CNTN4: variants seen among roughly 807,000 people sequenced by gnomAD.
CNTN4 encodes the protein contactin 4.
CNTN4 carries 77 observed loss-of-function variants against 122.5 expected under a neutral mutation model. The observed-to-expected ratio is 0.63, with a 90% CI of 0.52 to 0.76. CNTN4 has a LOEUF of 0.76. Among genes scored for constraint, CNTN4 ranks in the 30% least tolerant of loss-of-function variants. The probability of loss-of-function intolerance (pLI) is 0.00; values close to 1 mark genes in which losing one functional copy is unlikely to be tolerated. For synonymous variants in CNTN4, 512 were observed against 447.0 expected, an observed-to-expected ratio of 1.15 and a Z score of -1.83; for missense variants, 1,256 against 1,259.1, an observed-to-expected ratio of 1.00 and a Z score of 0.04.
chr3:2,386,057 G>A (rs1383301662), intron 3 of CNTN4, among the ~76,000 whole-genome samples: 2 of 151,968 alleles, frequency 1.3e-5, no homozygotes, highest in Non-Finnish European at 2.9e-5. Context: ...TAATTTTCAT[G>A]TCACAGTATA....
intron 3 of CNTN4, among the ~76,000 whole-genome samples, chr3:2,516,295 A>G (rs532309864): frequency 5.9e-5 from 9 of 152,144 alleles, no homozygotes; most frequent in South Asian, 2.1e-4. Context: ...CGTAATGTGA[A>G]ATAATTTGTT....
At position 2,740,299 on chromosome 3, in the gene CNTN4, G is replaced by A. The variant is rs1379200717; in HGVS notation, c.182+3958G>A. Among the ~76,000 whole-genome samples, 6 of 152,214 alleles carry A rather than the reference G, an allele frequency of 3.9e-5. No homozygotes were observed. In the East Asian group the frequency reaches 1.2e-3, roughly 29 times the overall value. The stretch of plus-strand genomic sequence containing the variant: ...CGCTTGAGTCTAGGAGTTCCAGGCT[G>A]CAGTGAGCTATGATTGCACCACTAC... On this transcript the variant is annotated intron_variant, in intron 5 of 24. Transcript: ENST00000418658.
At chr3:2,402,750 A>G (rs1016613860) in intron 3 of CNTN4, among the ~76,000 whole-genome samples, 19 of 152,050 alleles carry the variant, frequency 1.2e-4, no homozygotes, top group African/African-American at 4.6e-4. Flanking sequence ...CTAGTTTCTT[A>G]TAAAATATAG....
chr3:3,045,769 C>A (rs1423391375), intron 23 of CNTN4, among the ~76,000 whole-genome samples: 1 of 152,212 alleles, frequency 6.6e-6, no homozygotes, highest in Non-Finnish European at 1.5e-5. Flanking sequence ...ATGGAAAAAG[C>A]TGGATGGAGA....
chr3:2,983,193 G>A (rs1182465851), intron 13 of CNTN4, among the ~76,000 whole-genome samples: 28 of 106,882 alleles, frequency 2.6e-4, no homozygotes, highest in African/African-American at 9.7e-4. Flanking sequence ...CAGCCTGGGT[G>A]ACAGAGCGAG....
At chr3:2,776,601 T>G (rs2091329016) in intron 6 of CNTN4, among the ~76,000 whole-genome samples, 1 of 152,172 alleles carries the variant, frequency 6.6e-6, no homozygotes, top group Non-Finnish European at 1.5e-5. Context: ...CCCTCTACTC[T>G]TGGTAGAATT....
chr3:2,497,333 A>G (rs990747927), intron 3 of CNTN4, among the ~76,000 whole-genome samples: 14 of 152,176 alleles, frequency 9.2e-5, no homozygotes, highest in Non-Finnish European at 5.9e-5. Flanking sequence ...ACTGGCCCCC[A>G]GTATCTAAAA....
chr3:2,835,158 G>C (rs58149795), intron 7 of CNTN4, among the ~76,000 whole-genome samples: 1 of 151,606 alleles, frequency 6.6e-6, no homozygotes, highest in South Asian at 2.1e-4. Flanking sequence ...GCCCGCCTCA[G>C]CCTCCCAAAG....
intron 4 of CNTN4, among the ~76,000 whole-genome samples, chr3:2,610,184 A>G (rs528707409): frequency 1.3e-5 from 2 of 152,334 alleles, no homozygotes; most frequent in South Asian, 4.1e-4. Flanking sequence ...AAGTTAAGAT[A>G]TTATTAAAAT....
At chr3:2,889,549 G>T (rs1228236517) in intron 10 of CNTN4, among the ~76,000 whole-genome samples, 1 of 152,104 alleles carries the variant, frequency 6.6e-6, no homozygotes, top group Non-Finnish European at 1.5e-5. Flanking sequence ...TTTTAACTGT[G>T]TAGGGCTCGT....
intron 3 of CNTN4, among the ~76,000 whole-genome samples, chr3:2,535,730 G>T (rs912318513): frequency 6.6e-6 from 1 of 152,080 alleles, no homozygotes; most frequent in Admixed American, 6.6e-5. Context: ...ATATTTTGAT[G>T]TTATTTCTAC....
intron 12 of CNTN4, among the ~76,000 whole-genome samples, chr3:2,907,577 A>G (rs895868970): frequency 2.0e-5 from 3 of 151,976 alleles, no homozygotes; most frequent in African/African-American, 7.3e-5. Flanking sequence ...TCTCAAAAAA[A>G]AAAAAAAATT....
intron 14 of CNTN4, among the ~76,000 whole-genome samples, chr3:2,995,690 G>C (rs1484078106): frequency 6.6e-6 from 1 of 152,144 alleles, no homozygotes; most frequent in Non-Finnish European, 1.5e-5. Flanking sequence ...GCATCTGTGT[G>C]GTGTGATTTT....
At chr3:2,440,584 T>C (rs573452773) in intron 3 of CNTN4, among the ~76,000 whole-genome samples, 2 of 152,178 alleles carry the variant, frequency 1.3e-5, no homozygotes, top group South Asian at 2.1e-4. Context: ...AATAGAGACA[T>C]GTGTTTGTCT....
chr3:2,521,343 T>TCGGCCCCCCCCCCCCCCCCCCCCCCCCC (rs781282977), intron 3 of CNTN4, among the ~76,000 whole-genome samples: 1 of 128,310 alleles, frequency 7.8e-6, no homozygotes, highest in Non-Finnish European at 1.6e-5. Flanking sequence ...CCTCTACCCA[T>TCGGCCCCCCCCCCCCCCCCCCCCCCCCC]CCCCCCCACC....
At chr3:2,907,038 GTCTC>G (rs1346974838) in intron 12 of CNTN4, among the ~76,000 whole-genome samples, 4 of 152,096 alleles carry the variant, frequency 2.6e-5, no homozygotes, top group Non-Finnish European at 4.4e-5. Context: ...AACCCGTAGA[GTCTC>G]TCTTAAGTGA....
intron 14 of CNTN4, among the ~76,000 whole-genome samples, chr3:3,015,418 A>G (rs1413180021): frequency 6.6e-6 from 1 of 152,212 alleles, no homozygotes; most frequent in Non-Finnish European, 1.5e-5. Flanking sequence ...TCCTATCTAC[A>G]TCAAATAAAG....
At chr3:2,632,110 A>G (rs572258860) in intron 4 of CNTN4, among the ~76,000 whole-genome samples, 3 of 151,972 alleles carry the variant, frequency 2.0e-5, no homozygotes, top group African/African-American at 7.2e-5. Context: ...GTATGTATAT[A>G]TATATATAAA....
At chr3:2,128,088 A>C (rs1333565860) in intron 2 of CNTN4, among the ~76,000 whole-genome samples, 2 of 152,212 alleles carry the variant, frequency 1.3e-5, no homozygotes, top group African/African-American at 4.8e-5. Context: ...ATGTTACTAC[A>C]TGGGAAGAAA....
Sources: gnomAD v4.1 joint callset for allele counts (sites outside exome capture counted in the v4.1 genomes callset) on GRCh38, gnomAD v4.1.1 for gene constraint, MANE v1.5 for transcripts, NCBI Gene and HGNC (gene_info 2026-07-23, HGNC 2026-07-21) for gene names.